Variants in PDGFRB observed in about 807,000 individuals in gnomAD.
PDGFRB encodes platelet-derived growth factor receptor beta.
PDGFRB carries 42 observed loss-of-function variants against 120.2 expected under a neutral mutation model. The ratio of observed to expected loss-of-function variants is 0.35; its 90% CI spans 0.27 to 0.45. PDGFRB has a LOEUF of 0.45. PDGFRB is among the 20% of genes least tolerant of loss of function. The pLI, the probability that PDGFRB is intolerant of heterozygous loss-of-function variation, is 1.00. For missense variants in PDGFRB, 1,149 were observed against 1,476.3 expected (o/e 0.78, Z 3.63); for synonymous variants, 586 against 606.8 (o/e 0.97, Z 0.50).
chr5:150,146,705 C>G (rs377582350), intron 1 of PDGFRB, among the ~76,000 whole-genome samples: 1 of 152,156 alleles, frequency 6.6e-6, no homozygotes, highest in African/African-American at 2.4e-5. Flanking sequence ...ACTACAGGTG[C>G]GCATCACCAC....
At chr5:150,141,976 AG>A (rs1462973676) in intron 1 of PDGFRB, among the ~76,000 whole-genome samples, 1 of 149,948 alleles carries the variant, frequency 6.7e-6, no homozygotes, top group African/African-American at 2.5e-5. Flanking sequence ...CTGCAGGGAG[AG>A]GGGGGTGCTG....
intron 1 of PDGFRB, among the ~76,000 whole-genome samples, chr5:150,148,016 G>C (rs1188649574): frequency 6.6e-6 from 1 of 152,200 alleles, no homozygotes; most frequent in Non-Finnish European, 1.5e-5. Flanking sequence ...GACGGTGCAA[G>C]AAGGCCTCTC....
At chr5:150,148,167 A>G (rs373133230) in intron 1 of PDGFRB, among the ~76,000 whole-genome samples, 8 of 152,294 alleles carry the variant, frequency 5.3e-5, no homozygotes, top group African/African-American at 1.9e-4. Flanking sequence ...CTAAGGCCAG[A>G]CCCATCTAAT....
In PDGFRB at chr5:150,135,540, G is replaced by A. The variant is rs1277704061; in HGVS notation, c.364+15C>T. The A allele has an allele frequency of 1.9e-6, 3 of 1,552,690 alleles. No individual in the cohort carries two copies. In the East Asian group the frequency reaches 6.7e-5, roughly 35 times the overall value. On this transcript the variant is annotated intron_variant, in intron 3 of 22. Transcript: ENST00000261799. ...AGAGGGGTAAGGAGTGGGCACACAGGCTGGGAGCCCTTACCTGGCACAAAG... is the reference window on the plus strand; with the variant it reads ...AGAGGGGTAAGGAGTGGGCACACAGACTGGGAGCCCTTACCTGGCACAAAG...
chr5:150,145,512 G>A (rs1489118624), intron 1 of PDGFRB, among the ~76,000 whole-genome samples: 2 of 152,180 alleles, frequency 1.3e-5, no homozygotes, highest in South Asian at 2.1e-4. Flanking sequence ...CATGACATCA[G>A]TACTGCTTCC....
chr5:150,142,501 G>A (rs1049008287), intron 1 of PDGFRB, among the ~76,000 whole-genome samples: 1 of 152,178 alleles, frequency 6.6e-6, no homozygotes, highest in African/African-American at 2.4e-5. Flanking sequence ...TCCTGACCCA[G>A]TCCAGTCTTC....
In PDGFRB at chr5:150,155,683, G is replaced by C. The variant is rs1761211842; in HGVS notation, c.-293C>G. 1 of 398,586 alleles carries C rather than the reference G, an allele frequency of 2.5e-6. No homozygotes were observed. The highest frequency in any genetic ancestry group is 2.1e-5 in the African/African-American group (1 of 48,638). 24.7% of individuals were successfully genotyped at this position (398,586 alleles called of 1,614,324 possible). A position where few individuals can be genotyped will look rare whatever the true frequency, so the allele number is the denominator to read the frequency against. On this transcript the variant is annotated 5_prime_UTR_variant, in exon 1 of 23. Coordinates refer to ENST00000261799, the MANE Select transcript of PDGFRB (RefSeq NM_002609.4). ...CAGAGCCGCCAGAGGGGCCGCCCTG[G>C]GTCTGGCTGTCTGCGTTGGGCAGGG... is the stretch of plus-strand genomic sequence containing the variant.
At chr5:150,151,942 TTA>T (rs1289302968) in intron 1 of PDGFRB, among the ~76,000 whole-genome samples, 1 of 151,858 alleles carries the variant, frequency 6.6e-6, no homozygotes, top group African/African-American at 2.4e-5. Flanking sequence ...ATTTATTTAT[TTA>T]TTTTTTTTGA....
chr5:150,126,330 G>A (rs1418600868), intron 11 of PDGFRB, among the ~76,000 whole-genome samples, 190 bp downstream of exon 11: 1 of 152,168 alleles, frequency 6.6e-6, no homozygotes, highest in Non-Finnish European at 1.5e-5. Context: ...GCTCGGGCCA[G>A]GCTCAGGTTG....
At chr5:150,152,208 C>G (rs1239177012) in intron 1 of PDGFRB, among the ~76,000 whole-genome samples, 1 of 152,052 alleles carries the variant, frequency 6.6e-6, no homozygotes, top group Non-Finnish European at 1.5e-5. Flanking sequence ...TGCCCAGCCT[C>G]GATGGTTAAA....
At chr5:150,118,671 C>A (rs924745527) in intron 21 of PDGFRB, 76 bp downstream of exon 21, 1 of 902,544 alleles carries the variant, frequency 1.1e-6, no homozygotes, top group African/African-American at 1.6e-5. Context: ...CAGCCCATCA[C>A]GCAGAGCCTT....
intron 14 of PDGFRB, 46 bp from the exon 15 acceptor site, chr5:150,123,247 C>A (rs763143121): frequency 6.6e-7 from 1 of 1,523,972 alleles, no homozygotes; most frequent in East Asian, 2.3e-5. Context: ...AGGCCTCAGG[C>A]GTCCCTTCAA....
At chr5:150,125,378 G>C in intron 12 of PDGFRB, 67 bp downstream of exon 12, 1 of 1,439,756 alleles carries the variant, frequency 6.9e-7, no homozygotes, top group Non-Finnish European at 9.5e-7. Flanking sequence ...GCTGGGACCA[G>C]ACCTCAGAGA....
chr5:150,134,857 T>C lies in PDGFRB; in HGVS notation c.524A>G (p.His175Arg), dbSNP rs1429997118. The C allele has an allele frequency of 6.2e-7, 1 of 1,614,202 alleles. No individual in the cohort carries two copies. Among genetic ancestry groups the C allele is most frequent in the South Asian group, 1.1e-5 (1 of 91,082 alleles). The change falls in exon 4 of 23, where the codon CAC becomes CGC. Residue 175 changes from histidine to arginine, a missense_variant. Physicochemically the swap from His to Arg is conservative, Grantham distance 29. Around this residue, in one of 3 missense-constraint regions of PDGFRB, gnomAD observed 879 missense variants for 1,108.6 expected, o/e 0.79. Coordinates refer to ENST00000261799, the MANE Select transcript of PDGFRB (RefSeq NM_002609.4). Reference protein sequence around the residue: ...GDVALPVPYDHQRGFSGIFED... With the variant: ...GDVALPVPYDRQRGFSGIFED... ...AAAGATACCAGAAAAGCCACGTTGGTGATCATAGGGGACAGGCAGTGCAAC... is the reference window on the plus strand; with the variant it reads ...AAAGATACCAGAAAAGCCACGTTGGCGATCATAGGGGACAGGCAGTGCAAC...
intron 1 of PDGFRB, among the ~76,000 whole-genome samples, chr5:150,150,002 T>A (rs541773932): frequency 6.6e-6 from 1 of 152,334 alleles, no homozygotes; most frequent in African/African-American, 2.4e-5. Flanking sequence ...TCTCCCCACT[T>A]TATTATAAGA....
intron 1 of PDGFRB, among the ~76,000 whole-genome samples, chr5:150,150,481 A>C (rs1368627011): frequency 6.6e-6 from 1 of 152,146 alleles, no homozygotes; most frequent in Non-Finnish European, 1.5e-5. Flanking sequence ...CAGGCACCTG[A>C]GACATCAAAT....
rs2113879852 is a variant in PDGFRB, at chr5:150,115,749, T to G, written c.*14A>C. ...GGGGGGAGCTTCAGGCAGGGCAGGG[T>G]AGGGGCCAGCCCCCTACAGGAAGCT... On this transcript the variant is annotated 3_prime_UTR_variant, in exon 23 of 23. Transcript: ENST00000261799. 1 of 1,572,532 alleles carries G rather than the reference T, an allele frequency of 6.4e-7. No individual in the cohort carries two copies. Among genetic ancestry groups the G allele is most frequent in the Non-Finnish European group, 8.6e-7 (1 of 1,158,224 alleles).
At chr5:150,134,433 G>C (rs1176067032) in intron 4 of PDGFRB, among the ~76,000 whole-genome samples, 1 of 152,204 alleles carries the variant, frequency 6.6e-6, no homozygotes, top group Admixed American at 6.5e-5. Context: ...TATGTGCTTT[G>C]TGTAAAGTCA....
intron 1 of PDGFRB, chr5:150,153,931 G>C (rs1410416039): frequency 6.6e-6 from 1 of 152,182 alleles, no homozygotes; most frequent in Non-Finnish European, 1.5e-5. Context: ...CATTTTTTCA[G>C]CCGCACTGCC....
Sources: gnomAD v4.1 joint callset for allele counts (sites outside exome capture counted in the v4.1 genomes callset) on GRCh38, gnomAD v4.1.1 for gene constraint, gnomAD v4.1.1 regional missense constraint, MANE v1.5 for transcripts, NCBI Gene and HGNC (gene_info 2026-07-23, HGNC 2026-07-21) for gene names.